The following MYBPC2 variants were observed in gnomAD, a reference collection of about 807,000 sequenced individuals.
MYBPC2 encodes myosin binding protein C2.
A neutral mutation model predicts 137.0 loss-of-function variants in MYBPC2; 122 were observed. The ratio of observed to expected loss-of-function variants is 0.89; its 90% CI spans 0.77 to 1.03. The LOEUF (loss-of-function observed/expected upper bound fraction) is 1.03, where lower values mean the gene tolerates loss of function less well. Ranked by LOEUF, MYBPC2 falls within the 50% of genes least tolerant of loss-of-function variation. The pLI is 0.00. For missense variants in MYBPC2, 1,500 were observed against 1,534.4 expected, an observed-to-expected ratio of 0.98 and a Z score of 0.37; for synonymous variants, 626 against 612.3, an observed-to-expected ratio of 1.02 and a Z score of -0.33.
intron 15 of MYBPC2, 151 bp from the exon 16 acceptor site, chr19:50,451,713 G>A: frequency 8.6e-7 from 1 of 1,156,634 alleles, no homozygotes; most frequent in Non-Finnish European, 1.2e-6. Flanking sequence ...TGGGGGCCTG[G>A]ACTACTGGGT....
chr19:50,438,917 C>G (rs2039727197), intron 7 of MYBPC2, among the ~76,000 whole-genome samples: 1 of 152,090 alleles, frequency 6.6e-6, no homozygotes, highest in African/African-American at 2.4e-5. Context: ...GCATTATCTG[C>G]TGGCCCACTT....
chr19:50,458,706 A>G lies in MYBPC2; in HGVS notation c.2458A>G (p.Ser820Gly). 1 of 1,610,250 alleles carries G rather than the reference A, an allele frequency of 6.2e-7. No individual in the cohort carries two copies. Among genetic ancestry groups the G allele is most frequent in the East Asian group, 2.2e-5 (1 of 44,876 alleles). ...RVVGVNIAGRSEPATLAQPVT... is the reference protein window; with the variant it reads ...RVVGVNIAGRGEPATLAQPVT... ...AGTTGGGGTCAACATCGCGGGGCGC[A>G]GCGAGCCGGCCACCCTGGCCCAGCC... Residue 820 changes from serine (S) to glycine (G), a missense_variant, in exon 21 of 28, where the codon AGC (serine) becomes GGC (glycine). Transcript: ENST00000357701.
At chr19:50,440,672 A>AG (rs1568659254) in intron 7 of MYBPC2, among the ~76,000 whole-genome samples, 1 of 151,206 alleles carries the variant, frequency 6.6e-6, no homozygotes, top group African/African-American at 2.4e-5. Context: ...CAAAAAAAAA[A>AG]AAAACCAAAA....
chr19:50,458,995 G>GT lies in MYBPC2; in HGVS notation c.2585dup (p.Phe864LeufsTer96). On this transcript the variant is annotated frameshift_variant, in exon 22 of 28. Transcript: ENST00000357701. LOFTEE classifies it high-confidence loss of function. ...AGTGGGCGAGCAGCTCAACCTTGTC[G>GT]TCCCCTTCCAGGTCAGGGGAGCGGG... is the stretch of plus-strand genomic sequence containing the variant. The GT allele has an allele frequency of 6.2e-7, 1 of 1,611,332 alleles. No individual in the cohort carries two copies. The highest frequency in any genetic ancestry group is 8.5e-7 in the Non-Finnish European group (1 of 1,179,092).
At chr19:50,441,629 C>T in intron 8 of MYBPC2, among the ~76,000 whole-genome samples, 1 of 152,092 alleles carries the variant, frequency 6.6e-6, no homozygotes. Flanking sequence ...CACCTGACGT[C>T]AGGAGTTCGA....
At chr19:50,459,037 C>A in intron 22 of MYBPC2, 31 bp downstream of exon 22, 1 of 1,577,908 alleles carries the variant, frequency 6.3e-7, no homozygotes, top group South Asian at 1.2e-5. Flanking sequence ...GGCCGGGGGT[C>A]CGCTCTCGCC....
Position 50,445,958 on chromosome 19 carries a change from C to T in MYBPC2, c.1212C>T (p.His404=). 1 of 1,612,858 alleles carries T rather than the reference C, an allele frequency of 6.2e-7. No homozygotes were observed. Among genetic ancestry groups the T allele is most frequent in the South Asian group, 1.1e-5 (1 of 90,692 alleles). Residue 404 remains histidine, a synonymous_variant, in exon 12 of 28, where the codon CAC becomes CAT. Coordinates refer to ENST00000357701, the MANE Select transcript of MYBPC2 (RefSeq NM_004533.4). The part of the protein sequence containing the change: ...RYRFKKDGKR[H]ILIFSDVVQE... ...GCTTCAAGAAGGACGGGAAGCGCCACATCCTCATCTTCTCAGACGTGGTCC... is the reference window on the plus strand; with the variant it reads ...GCTTCAAGAAGGACGGGAAGCGCCATATCCTCATCTTCTCAGACGTGGTCC...
intron 7 of MYBPC2, 114 bp downstream of exon 7, chr19:50,437,832 C>A: frequency 8.3e-7 from 1 of 1,211,164 alleles, no homozygotes; most frequent in Non-Finnish European, 1.2e-6. Context: ...CCCTCTACCA[C>A]CTCCATCTGT....
At chr19:50,447,260 A>G (rs748176506) in intron 12 of MYBPC2, among the ~76,000 whole-genome samples, 3 of 152,098 alleles carry the variant, frequency 2.0e-5, no homozygotes, top group Non-Finnish European at 2.9e-5. Context: ...GGACTCCATT[A>G]TGTACGATGT....
At chr19:50,455,995 T>C (rs1433382245) in intron 20 of MYBPC2, among the ~76,000 whole-genome samples, 6 of 152,092 alleles carry the variant, frequency 3.9e-5, no homozygotes, top group Non-Finnish European at 8.8e-5. Flanking sequence ...CATCCACCCA[T>C]CCATCCATCT....
Position 50,451,321 on chromosome 19 carries a change from G to A in MYBPC2, c.1609+12G>A, listed in dbSNP as rs776901433. 2.0e-5 allele frequency: 32 copies of A among 1,613,184 alleles called. No homozygotes were observed. Among genetic ancestry groups the A allele is most frequent in the African/African-American group, 4.0e-5 (3 of 74,782 alleles). ...CGTTCCCAAGCAAGGTGAGCACCAC[G>A]GGCTGCGCTGGGAGCGGGTCTGAGG... is the stretch of plus-strand genomic sequence containing the variant. On this transcript the variant is annotated intron_variant, in intron 15 of 27. Transcript: ENST00000357701.
rs2039998130 is a variant in MYBPC2, at chr19:50,464,525, G to A, written c.3408G>A (p.Glu1136=). Residue 1136 remains glutamate, a synonymous_variant, in exon 27 of 28, where the codon GAG becomes GAA. Coordinates refer to ENST00000357701, the MANE Select transcript of MYBPC2 (RefSeq NM_004533.4). Reference sequence around the variant, plus strand: ...AGGCGCTGGCTGAGTGCAAGCTGGAGGTCCGAGGTGAGGGCGTGGCCATCC... The same window carrying A: ...AGGCGCTGGCTGAGTGCAAGCTGGAAGTCCGAGGTGAGGGCGTGGCCATCC... ...LGEALAECKL[E]VRVPQ 1 of 1,606,910 alleles carries A rather than the reference G, an allele frequency of 6.2e-7. No individual in the cohort carries two copies. The highest frequency in any genetic ancestry group is 1.3e-5 in the African/African-American group (1 of 74,982).
At position 50,454,000 on chromosome 19, in the gene MYBPC2, C is replaced by A; in HGVS notation, c.1750-20C>A. ...TTGGGGACACGATGGGGTGCAAGGC[C>A]ATCTGGTGGCTGCGTTCAGGTATTC... On this transcript the variant is annotated intron_variant, in intron 16 of 27. Coordinates refer to ENST00000357701, the MANE Select transcript of MYBPC2 (RefSeq NM_004533.4). The A allele has an allele frequency of 6.3e-7, 1 of 1,576,258 alleles. No individual in the cohort carries two copies. Among genetic ancestry groups the A allele is most frequent in the African/African-American group, 1.3e-5 (1 of 74,220 alleles).
chr19:50,462,971 CGTT>C (rs2039984539), intron 26 of MYBPC2, among the ~76,000 whole-genome samples: 1 of 152,162 alleles, frequency 6.6e-6, no homozygotes, highest in African/African-American at 2.4e-5. Context: ...GAAAAAGAAA[CGTT>C]GGGAGCAGGG....
At chr19:50,457,589 A>G (rs1435997934) in intron 20 of MYBPC2, among the ~76,000 whole-genome samples, 2 of 150,864 alleles carry the variant, frequency 1.3e-5, no homozygotes, top group Non-Finnish European at 3.0e-5. Context: ...CGTGTCCAGG[A>G]TGGTCTTGAA....
At chr19:50,457,918 G>A (rs1392539748) in intron 20 of MYBPC2, among the ~76,000 whole-genome samples, 1 of 151,264 alleles carries the variant, frequency 6.6e-6, no homozygotes, top group African/African-American at 2.4e-5. Flanking sequence ...GGACTCAAGT[G>A]ATCTGCCCAC....
chr19:50,444,620 C>G (rs1361180986), intron 11 of MYBPC2, among the ~76,000 whole-genome samples: 1 of 152,010 alleles, frequency 6.6e-6, no homozygotes, highest in African/African-American at 2.4e-5. Flanking sequence ...GTGGCTCACG[C>G]CTGTAATCCT....
At chr19:50,441,473 C>A (rs781726401) in intron 8 of MYBPC2, among the ~76,000 whole-genome samples, 1 of 152,198 alleles carries the variant, frequency 6.6e-6, no homozygotes, top group Non-Finnish European at 1.5e-5. Flanking sequence ...TGCCCTGAGC[C>A]GTTGCTCTCT....
intron 16 of MYBPC2, among the ~76,000 whole-genome samples, chr19:50,452,341 CTGTT>C (rs1463155525): frequency 6.6e-6 from 1 of 152,186 alleles, no homozygotes; most frequent in African/African-American, 2.4e-5. Context: ...AGTAATTAAT[CTGTT>C]TGTCCATTTA....
Sources: allele counts gnomAD v4.1 joint callset (sites outside exome capture counted in the v4.1 genomes callset), GRCh38; gene constraint gnomAD v4.1.1; transcripts MANE v1.5; gene names NCBI Gene and HGNC (gene_info 2026-07-23, HGNC 2026-07-21).